The following WDFY3 variants were observed in gnomAD, a reference collection of about 807,000 sequenced individuals.
WDFY3 encodes WD repeat and FYVE domain containing 3.
In WDFY3, 66 loss-of-function variants were observed where a neutral mutation model predicts 409.6. The ratio of observed to expected loss-of-function variants is 0.16; its 90% CI spans 0.13 to 0.20. The LOEUF (loss-of-function observed/expected upper bound fraction) is 0.20, where lower values mean the gene tolerates loss of function less well. Ranked by LOEUF, WDFY3 falls within the 10% of genes least tolerant of loss-of-function variation. The pLI is 1.00. For missense variants in WDFY3, 3,031 were observed against 4,298.1 expected, an observed-to-expected ratio of 0.71 and a Z score of 8.24; for synonymous variants, 1,521 against 1,537.1, an observed-to-expected ratio of 0.99 and a Z score of 0.25.
At chr4:84,766,551 G>A (rs1024142551) in intron 30 of WDFY3, among the ~76,000 whole-genome samples, 179 bp from the exon 31 acceptor site, 6 of 152,124 alleles carry the variant, frequency 3.9e-5, no homozygotes, top group Non-Finnish European at 7.4e-5. Context: ...TTAGAACTCC[G>A]AAAATTGTTC....
At chr4:84,872,451 C>G (rs954071405) in intron 3 of WDFY3, among the ~76,000 whole-genome samples, 1 of 148,640 alleles carries the variant, frequency 6.7e-6, no homozygotes, top group Non-Finnish European at 1.5e-5. Flanking sequence ...GGCAACAGAG[C>G]TAGACTCTGT....
intron 7 of WDFY3, among the ~76,000 whole-genome samples, chr4:84,832,568 C>T (rs1281065394): frequency 6.6e-6 from 1 of 152,098 alleles, no homozygotes; most frequent in African/African-American, 2.4e-5. Flanking sequence ...GATCATTACA[C>T]ATTGTATACA....
In WDFY3 at chr4:84,765,816, C is replaced by A. The variant is rs1743536636; in HGVS notation, c.5182G>T (p.Val1728Leu). 6.2e-7 allele frequency: 1 copy of A among 1,613,622 alleles called. No homozygotes were observed. The highest frequency in any genetic ancestry group is 8.5e-7 in the Non-Finnish European group (1 of 1,179,784). ...DSVLTNKIGT[V>L]LGFNVGRSAG... ...GACTAGAAAAGTCCCATACCTAATA[C>A]AGTTCCAATCTTATTAGTTAAGACA... is the stretch of plus-strand genomic sequence containing the variant. The change falls in exon 32 of 68, where the codon GTA (valine) becomes TTA (leucine). Residue 1728 changes from valine (V) to leucine (L), a missense_variant. This residue lies in a region of WDFY3 where 342 missense variants were observed against 463.7 expected (regional missense o/e 0.74). Coordinates refer to ENST00000295888, the MANE Select transcript of WDFY3 (RefSeq NM_014991.6).
Position 84,677,389 on chromosome 4 carries a change from T to C in WDFY3, c.10267A>G (p.Ser3423Gly), listed in dbSNP as rs1200057819. 1.2e-6 allele frequency: 2 copies of C among 1,610,940 alleles called. No individual in the cohort carries two copies. The highest frequency in any genetic ancestry group is 3.4e-5 in the Admixed American group (2 of 59,686). The change falls in exon 67 of 68, where the codon AGT becomes GGT. Residue 3423 changes from serine to glycine, a missense_variant. By Grantham distance (56) the Ser-to-Gly change is moderately conservative. This residue lies in a region of WDFY3 where 378 missense variants were observed against 477.3 expected (regional missense o/e 0.79). Coordinates refer to ENST00000295888, the MANE Select transcript of WDFY3 (RefSeq NM_014991.6). ...CGACTGTCACCAACGAGGATCCTAC[T>C]GTGATCCCTGCAGGAGACACGACAG... ...VTALGISKDH[S>G]RILVGDSRGR...
At position 84,695,448 on chromosome 4, in the gene WDFY3, CGTGTGTGTGTGT is replaced by C. The variant is rs150816589; in HGVS notation, c.8901+510_8901+521del. Among the ~76,000 whole-genome samples, 4 of 136,108 alleles carry C rather than the reference CGTGTGTGTGTGT, an allele frequency of 2.9e-5. No individual in the cohort carries two copies. In the South Asian group the frequency reaches 7.5e-4, roughly 25 times the overall value. The allele number at this position is 136,108 out of a possible 152,430, so 89.3% of individuals were successfully genotyped here. ...GGTCTTCCGCTCCCCATTTGGGTCC[CGTGTGTGTGTGT>C]GTGTGTGTGTGTGTGTGTCAGACAC... On this transcript the variant is annotated intron_variant, in intron 58 of 67. Transcript: ENST00000295888.
At position 84,796,064 on chromosome 4, in the gene WDFY3, T is replaced by C. The variant is rs115555852; in HGVS notation, c.3167+457A>G. 8.4e-3 allele frequency among the ~76,000 whole-genome samples: 1,277 copies of C among 151,966 alleles called. 23 individuals are homozygous for C. The highest frequency in any genetic ancestry group is 0.029 in the African/African-American group (1,205 of 41,510). ...AATTTATATATTATCTATACATTTA[T>C]ATTTATTACATTAGATGTTGGCAGA... On this transcript the variant is annotated intron_variant, in intron 19 of 67. Coordinates refer to ENST00000295888, the MANE Select transcript of WDFY3 (RefSeq NM_014991.6).
At chr4:84,889,728 T>C (rs892754294) in intron 3 of WDFY3, among the ~76,000 whole-genome samples, 1 of 152,170 alleles carries the variant, frequency 6.6e-6, no homozygotes, top group African/African-American at 2.4e-5. Context: ...GAGATGAGTA[T>C]GATACTGGCT....
chr4:84,861,974 A>C (rs1489905216), intron 3 of WDFY3, among the ~76,000 whole-genome samples: 1 of 152,242 alleles, frequency 6.6e-6, no homozygotes, highest in Non-Finnish European at 1.5e-5. Context: ...TCCATAGAAA[A>C]GCAGGCAACA....
chr4:84,829,931 T>C (rs1755455262), intron 8 of WDFY3, among the ~76,000 whole-genome samples: 1 of 151,980 alleles, frequency 6.6e-6, no homozygotes, highest in Non-Finnish European at 1.5e-5. Flanking sequence ...AATATATTAT[T>C]AGTTTAAAAC....
intron 1 of WDFY3, among the ~76,000 whole-genome samples, chr4:84,942,379 G>A (rs758787269): frequency 3.3e-5 from 5 of 151,874 alleles, no homozygotes; most frequent in Middle Eastern, 3.4e-3. Flanking sequence ...AAAAGATGTC[G>A]ACACTTACTT....
intron 13 of WDFY3, among the ~76,000 whole-genome samples, chr4:84,812,806 G>C (rs1431522059): frequency 6.6e-6 from 1 of 152,084 alleles, no homozygotes; most frequent in Non-Finnish European, 1.5e-5. Flanking sequence ...GGTATCTGTT[G>C]TTGCTCTGAC....
At position 84,717,033 on chromosome 4, in the gene WDFY3, G is replaced by C; in HGVS notation, c.7755-17C>G. The C allele has an allele frequency of 6.4e-7, 1 of 1,550,560 alleles. No homozygotes were observed. The highest frequency in any genetic ancestry group is 1.4e-5 in the African/African-American group (1 of 71,966). On this transcript the variant is annotated splice_polypyrimidine_tract_variant and intron_variant, in intron 48 of 67. Transcript: ENST00000295888. ...TCATGCATACTACAGGCAGCCAAGAGAAAAAGCAAATAAAAACACAGCAAG... is the reference window on the plus strand; with the variant it reads ...TCATGCATACTACAGGCAGCCAAGACAAAAAGCAAATAAAAACACAGCAAG...
At chr4:84,809,663 T>C (rs992287087) in intron 14 of WDFY3, 16 of 442,400 alleles carry the variant, frequency 3.6e-5, no homozygotes, top group African/African-American at 2.3e-4. Flanking sequence ...TGAGAACTAA[T>C]TGAACCTGAA....
At position 84,810,257 on chromosome 4, in the gene WDFY3, C is replaced by T. The variant is rs148243168; in HGVS notation, c.1975G>A (p.Val659Ile). 21 of 1,613,830 alleles carry T rather than the reference C, an allele frequency of 1.3e-5. No individual in the cohort carries two copies. Among genetic ancestry groups the T allele is most frequent in the East Asian group, 6.7e-5 (3 of 44,878 alleles). Residue 659 changes from valine to isoleucine, a missense_variant, in exon 14 of 68, where the codon GTT (valine) becomes ATT (isoleucine). This residue lies in a region of WDFY3 where 1,322 missense variants were observed against 1,697.9 expected (regional missense o/e 0.78). Coordinates refer to ENST00000295888, the MANE Select transcript of WDFY3 (RefSeq NM_014991.6). ...GGFVYITSLL[V>I]AMERSLSCPP... ...CAGCTCAAAGATCTTTCCATAGCAA[C>T]GAGCAAGGATGTAATGTACACAAAT...
intron 3 of WDFY3, among the ~76,000 whole-genome samples, chr4:84,876,702 CAT>C (rs1222046104): frequency 6.6e-6 from 1 of 151,592 alleles, no homozygotes; most frequent in Non-Finnish European, 1.5e-5. Context: ...AAAAAACTTA[CAT>C]AGAGTTATGT....
chr4:84,796,259 A>G (rs1214141300), intron 19 of WDFY3, among the ~76,000 whole-genome samples: 3 of 151,884 alleles, frequency 2.0e-5, no homozygotes, highest in East Asian at 3.9e-4. Context: ...AAAAATTTGC[A>G]AAAGTGTTAC....
chr4:84,753,827 G>A lies in WDFY3; in HGVS notation c.5609C>T (p.Thr1870Ile). ...EGSWLREYPV[T>I]LMQFFRYLYH... is the part of the protein sequence containing the mutation. ...CAAATATCTGAAGAACTGCATCAGG[G>A]TCACAGGATATTCTCGGAGCCAAGA... Residue 1870 changes from threonine to isoleucine, a missense_variant, in exon 35 of 68, where the codon ACC becomes ATC. This residue lies in a region of WDFY3 where 342 missense variants were observed against 463.7 expected (regional missense o/e 0.74). Coordinates refer to ENST00000295888, the MANE Select transcript of WDFY3 (RefSeq NM_014991.6). 5 of 1,608,958 alleles carry A rather than the reference G, an allele frequency of 3.1e-6. No homozygotes were observed. The highest frequency in any genetic ancestry group is 4.2e-6 in the Non-Finnish European group (5 of 1,178,146).
intron 17 of WDFY3, among the ~76,000 whole-genome samples, chr4:84,799,485 C>A (rs1750115611): frequency 6.6e-6 from 1 of 152,000 alleles, no homozygotes; most frequent in South Asian, 2.1e-4. Flanking sequence ...TACTTTATTT[C>A]ATTAACTGTC....
At position 84,678,190 on chromosome 4, in the gene WDFY3, C is replaced by T. The variant is rs1466828469; in HGVS notation, c.10237G>A (p.Val3413Ile). Residue 3413 changes from valine (V) to isoleucine (I), a missense_variant, in exon 66 of 68, where the codon GTC (valine) becomes ATC (isoleucine). By Grantham distance (29) the Val-to-Ile change is conservative (BLOSUM62 3). Transcript: ENST00000295888. ...DRKDNAHPAE[V>I]TALGISKDHS... Reference sequence around the variant, plus strand: ...TACTTGGAGATGCCCAAGGCAGTGACCTCAGCTGGGTGTGCATTGTCCTTT... The same window carrying T: ...TACTTGGAGATGCCCAAGGCAGTGATCTCAGCTGGGTGTGCATTGTCCTTT... The T allele has an allele frequency of 3.7e-6, 6 of 1,613,926 alleles. No homozygotes were observed. Among genetic ancestry groups the T allele is most frequent in the Middle Eastern group, 1.6e-4 (1 of 6,078 alleles).
Sources: gnomAD v4.1 joint callset for allele counts (sites outside exome capture counted in the v4.1 genomes callset) on GRCh38, gnomAD v4.1.1 for gene constraint, gnomAD v4.1.1 regional missense constraint, MANE v1.5 for transcripts, NCBI Gene and HGNC (gene_info 2026-07-23, HGNC 2026-07-21) for gene names.